The following SCUBE1 variants were observed in gnomAD, a reference collection of about 807,000 sequenced individuals.
The protein encoded by SCUBE1 is signal peptide, CUB domain and EGF like domain containing 1, also known as signal peptide, CUB and EGF-like domain-containing protein 1.
In SCUBE1, 59 loss-of-function variants were observed where a neutral mutation model predicts 124.4. The observed-to-expected ratio is 0.47, with a 90% CI of 0.38 to 0.59. The LOEUF (loss-of-function observed/expected upper bound fraction) is 0.59. SCUBE1 is among the 20% of genes least tolerant of loss of function. The probability of loss-of-function intolerance (pLI) is 0.00; values close to 1 mark genes in which losing one functional copy is unlikely to be tolerated. For missense variants in SCUBE1, 1,150 were observed against 1,371.2 expected (o/e 0.84, Z 2.55); for synonymous variants, 545 against 550.9 (o/e 0.99, Z 0.15).
chr22:43,311,387 T>C (rs117697406), intron 3 of SCUBE1, among the ~76,000 whole-genome samples: 2,725 of 151,894 alleles, frequency 0.018, 103 homozygotes, highest in East Asian at 0.18. Flanking sequence ...GGATGAATAC[T>C]AGGTGGAAGG....
intron 2 of SCUBE1, among the ~76,000 whole-genome samples, chr22:43,334,813 T>C (rs180766023): frequency 8.3e-4 from 126 of 152,330 alleles, no homozygotes; most frequent in Non-Finnish European, 1.4e-3. Flanking sequence ...TTTAAATACA[T>C]TAACTCATTT....
At chr22:43,324,072 C>T (rs1322647952) in intron 2 of SCUBE1, among the ~76,000 whole-genome samples, 43 of 152,262 alleles carry the variant, frequency 2.8e-4, no homozygotes, top group Non-Finnish European at 1.5e-5. Context: ...AACGTCAGAC[C>T]TCCTAGTTAG....
intron 1 of SCUBE1, among the ~76,000 whole-genome samples, chr22:43,340,563 G>T: frequency 6.6e-6 from 1 of 150,406 alleles, no homozygotes; most frequent in Non-Finnish European, 1.5e-5. Context: ...CGTGCCTCTT[G>T]TCGGGCACAG....
rs572464969 is a variant in SCUBE1, at chr22:43,202,538, G to T, written c.*1459C>A. 6.6e-6 allele frequency: 1 copy of T among 152,314 alleles called. No individual in the cohort carries two copies. Among genetic ancestry groups the T allele is most frequent in the Non-Finnish European group, 1.5e-5 (1 of 68,058 alleles). The allele number at this position is 152,314 out of a possible 1,614,324, so 9.4% of individuals were successfully genotyped here. A position where few individuals can be genotyped will look rare whatever the true frequency, so the allele number is the denominator to read the frequency against. ...GGGTTCTGCTGGCTCCATCCCAGGC[G>T]CTGGCCTTCCGGCTGGGTGGGACAC... On this transcript the variant is annotated 3_prime_UTR_variant, in exon 22 of 22. Transcript: ENST00000360835.
intron 3 of SCUBE1, among the ~76,000 whole-genome samples, chr22:43,307,118 T>TTC (rs1386717241): frequency 2.6e-5 from 4 of 152,300 alleles, no homozygotes; most frequent in African/African-American, 9.6e-5. Context: ...GCTTGGCCAA[T>TTC]CCAGAGCTCA....
chr22:43,303,986 G>A (rs1925870351), intron 3 of SCUBE1, among the ~76,000 whole-genome samples: 1 of 152,202 alleles, frequency 6.6e-6, no homozygotes, highest in Non-Finnish European at 1.5e-5. Flanking sequence ...AGTCCACAGT[G>A]GGCTCCTCTT....
Position 43,255,713 on chromosome 22 carries a change from A to G in SCUBE1, c.727+2506T>C. The G allele has an allele frequency of 2.7e-6, 2 of 742,722 alleles. No homozygotes were observed. The highest frequency in any genetic ancestry group is 4.6e-6 in the Non-Finnish European group (2 of 438,570). The allele number at this position is 742,722 out of a possible 1,614,324, so 46.0% of individuals were successfully genotyped here. A position where few individuals can be genotyped will look rare whatever the true frequency, so the allele number is the denominator to read the frequency against. ...CGCCGGCCAGCTCGGCATCCTCGCC[A>G]AGGGGCTAATCCCAGGAACCTCCAA... On this transcript the variant is annotated intron_variant, in intron 6 of 21. Coordinates refer to ENST00000360835, the MANE Select transcript of SCUBE1 (RefSeq NM_173050.5). This position sits in a 1 kb window ranked among gnomAD's most constrained non-coding sequence, Gnocchi z 4.7.
In SCUBE1 at chr22:43,319,844, A is replaced by G. The variant is rs187224008; in HGVS notation, c.349+93T>C. 169 of 1,486,348 alleles carry G rather than the reference A, an allele frequency of 1.1e-4. No homozygotes were observed. The African/African-American group carries it at 2.2e-3, about 19-fold the overall frequency. The allele number at this position is 1,486,348 out of a possible 1,614,324, so 92.1% of individuals were successfully genotyped here. A position where few individuals can be genotyped will look rare whatever the true frequency, so the allele number is the denominator to read the frequency against. ...CAAACTAATACAGGAAGCCAAAGGA[A>G]GGAGAACCTTCTCATGGCTCCCAAC... On this transcript the variant is annotated intron_variant, in intron 3 of 21. Coordinates refer to ENST00000360835, the MANE Select transcript of SCUBE1 (RefSeq NM_173050.5).
chr22:43,329,347 A>T (rs1926828929), intron 2 of SCUBE1, among the ~76,000 whole-genome samples: 2 of 152,250 alleles, frequency 1.3e-5, no homozygotes, highest in African/African-American at 4.8e-5. Context: ...GCGCCATGGA[A>T]ACGAGGAGCA....
At chr22:43,216,985 C>T (rs1383668642) in intron 15 of SCUBE1, among the ~76,000 whole-genome samples, 1 of 111,628 alleles carries the variant, frequency 9.0e-6, no homozygotes, top group Non-Finnish European at 1.8e-5. Flanking sequence ...TAACAGCTTC[C>T]CCCCACCCCG....
At chr22:43,299,971 C>T (rs767139769) in intron 3 of SCUBE1, among the ~76,000 whole-genome samples, 7 of 152,202 alleles carry the variant, frequency 4.6e-5, no homozygotes, top group African/African-American at 1.2e-4. Context: ...TTCCCTTTTA[C>T]GGCTGAACAG....
intron 3 of SCUBE1, among the ~76,000 whole-genome samples, chr22:43,294,964 G>C (rs1287414133): frequency 6.6e-6 from 1 of 152,134 alleles, no homozygotes; most frequent in Non-Finnish European, 1.5e-5. Context: ...CCACACCGGG[G>C]GCATTATTCT....
In SCUBE1 at chr22:43,201,413, G is replaced by C. The variant is rs2146642681; in HGVS notation, c.*2584C>G. On this transcript the variant is annotated 3_prime_UTR_variant, in exon 22 of 22. Coordinates refer to ENST00000360835, the MANE Select transcript of SCUBE1 (RefSeq NM_173050.5). ...TGATGGTTGATTGCATGGTCGTCTT[G>C]GTTGGGTGAACGGATACCCAGCTAG... is the stretch of plus-strand genomic sequence containing the variant. The C allele has an allele frequency of 6.6e-6, 1 of 152,082 alleles. No individual in the cohort carries two copies. The allele number at this position is 152,082 out of a possible 1,614,324, so 9.4% of individuals were successfully genotyped here.
intron 2 of SCUBE1, among the ~76,000 whole-genome samples, chr22:43,322,226 G>A (rs998004951): frequency 1.3e-5 from 2 of 152,146 alleles, no homozygotes; most frequent in African/African-American, 4.8e-5. Context: ...CTCGTGATCC[G>A]CCCACCTTGG....
chr22:43,295,270 C>A (rs1263877592), intron 3 of SCUBE1, among the ~76,000 whole-genome samples: 1 of 152,180 alleles, frequency 6.6e-6, no homozygotes, highest in Non-Finnish European at 1.5e-5. Flanking sequence ...ATAATTCACT[C>A]CACCCCGGCT....
chr22:43,222,094 T>C lies in SCUBE1; in HGVS notation c.1432+544A>G, dbSNP rs117486487. Among the ~76,000 whole-genome samples, 1,228 of 152,058 alleles carry C rather than the reference T, an allele frequency of 8.1e-3. 11 individuals carry two copies. Among genetic ancestry groups the C allele is most frequent in the Non-Finnish European group, 0.012 (846 of 67,980 alleles). ...TAATAATAATAATAATAAAGAAACATACAGAAATGCACCTATCTATCAAAT... is the reference window on the plus strand; with the variant it reads ...TAATAATAATAATAATAAAGAAACACACAGAAATGCACCTATCTATCAAAT... On this transcript the variant is annotated intron_variant, in intron 12 of 21. Coordinates refer to ENST00000360835, the MANE Select transcript of SCUBE1 (RefSeq NM_173050.5).
chr22:43,208,471 C>G (rs897184881), intron 19 of SCUBE1, among the ~76,000 whole-genome samples: 1 of 152,180 alleles, frequency 6.6e-6, no homozygotes, highest in Admixed American at 6.5e-5. Context: ...CCTGACTCTC[C>G]CCCCATCCCC....
At chr22:43,240,374 G>A (rs977429019) in intron 6 of SCUBE1, among the ~76,000 whole-genome samples, 9 of 152,170 alleles carry the variant, frequency 5.9e-5, no homozygotes, top group African/African-American at 9.7e-5. Flanking sequence ...GGGCTTGGAC[G>A]CCTCCCTCCT....
intron 4 of SCUBE1, among the ~76,000 whole-genome samples, chr22:43,264,332 A>G (rs1393404582): frequency 6.6e-6 from 1 of 152,218 alleles, no homozygotes; most frequent in Non-Finnish European, 1.5e-5. Context: ...AGCTGTGCAA[A>G]TTAAATCCAG....
Sources: gnomAD v4.1 joint callset for allele counts (sites outside exome capture counted in the v4.1 genomes callset) on GRCh38, gnomAD v4.1.1 for gene constraint, Gnocchi (gnomAD v3.1) non-coding constraint, MANE v1.5 for transcripts, NCBI Gene and HGNC (gene_info 2026-07-23, HGNC 2026-07-21) for gene names.